Variants in BANP observed in about 807,000 individuals in gnomAD.
BANP encodes protein BANP.
In BANP, 11 loss-of-function variants were observed where a neutral mutation model predicts 68.1. The ratio of observed to expected loss-of-function variants is 0.16; its 90% CI spans 0.10 to 0.27. BANP has a LOEUF of 0.27. Among genes scored for constraint, BANP ranks in the 10% least tolerant of loss-of-function variants. The pLI, the probability that BANP is intolerant of heterozygous loss-of-function variation, is 1.00. For synonymous variants in BANP, 329 were observed against 303.2 expected (o/e 1.09, Z -0.88); for missense variants, 504 against 722.7 (o/e 0.70, Z 3.47).
chr16:87,998,742 G>C (rs1326758381), intron 4 of BANP, among the ~76,000 whole-genome samples: 1 of 113,658 alleles, frequency 8.8e-6, no homozygotes, highest in Non-Finnish European at 1.8e-5. Flanking sequence ...GGCTGTACTT[G>C]CCTGTCTTTC....
At position 87,981,184 on chromosome 16, in the gene BANP, T is replaced by G; in HGVS notation, c.162+57T>G. The G allele has an allele frequency of 6.3e-6, 8 of 1,274,558 alleles. No individual in the cohort carries two copies. The South Asian group carries it at 9.6e-5, about 15-fold the overall frequency. 79.0% of individuals were successfully genotyped at this position (1,274,558 alleles called of 1,614,324 possible). A position where few individuals can be genotyped will look rare whatever the true frequency, so the allele number is the denominator to read the frequency against. On this transcript the variant is annotated intron_variant, in intron 3 of 13. Coordinates refer to ENST00000682872, the MANE Select transcript of BANP (RefSeq NM_001386991.1). ...GTGCGTTGCAGATTTCAAGGGCTGCTATAACAAATCACCATCAATGGGATG... is the reference window on the plus strand; with the variant it reads ...GTGCGTTGCAGATTTCAAGGGCTGCGATAACAAATCACCATCAATGGGATG...
intron 11 of BANP, among the ~76,000 whole-genome samples, chr16:88,050,958 A>G (rs1047417089): frequency 1.4e-4 from 22 of 152,134 alleles, no homozygotes; most frequent in African/African-American, 5.3e-4. Flanking sequence ...AAGTGCTAGG[A>G]TTATGGATGT....
intron 1 of BANP, among the ~76,000 whole-genome samples, chr16:87,959,659 G>A (rs2058744486): frequency 6.6e-6 from 1 of 152,150 alleles, no homozygotes; most frequent in South Asian, 2.1e-4. Flanking sequence ...TGGAGCATTG[G>A]AGGACAAAGA....
chr16:87,978,715 C>T (rs999898594), intron 2 of BANP: 5 of 464,730 alleles, frequency 1.1e-5, no homozygotes, highest in African/African-American at 8.0e-5. Context: ...AAGTTTTTAA[C>T]AGTAATACCA....
rs1293057092 is a variant in BANP at position 88,002,834 on chromosome 16, A to G, written c.363-1461A>G. On this transcript the variant is annotated intron_variant, in intron 4 of 13. Transcript: ENST00000682872. The surrounding 1 kb of genome is among the most constrained non-coding windows in gnomAD (Gnocchi z 4.6). ...GTGCCAGTGGCCACTGTGAATAGTC[A>G]TTAGGGGACTGTTGGCTTCTCAGCA... Among the ~76,000 whole-genome samples the G allele has an allele frequency of 6.6e-6, 1 of 152,192 alleles. No individual in the cohort carries two copies. Among genetic ancestry groups the G allele is most frequent in the African/African-American group, 2.4e-5 (1 of 41,450 alleles).
At chr16:88,059,286 A>C (rs1319242822) in intron 11 of BANP, among the ~76,000 whole-genome samples, 1 of 150,372 alleles carries the variant, frequency 6.7e-6, no homozygotes, top group Non-Finnish European at 1.5e-5. Flanking sequence ...AGGTGTGGAG[A>C]GGGGGCACTG....
At position 88,004,216 on chromosome 16, in the gene BANP, G is replaced by T; in HGVS notation, c.363-79G>T. On this transcript the variant is annotated intron_variant, in intron 4 of 13. Transcript: ENST00000682872. The surrounding 1 kb of genome is among the most constrained non-coding windows in gnomAD (Gnocchi z 7.0). Reference sequence around the variant, plus strand: ...CGGGTCCCTGGGAGTGGACTGTGTTGAATGACTCTTATGTGCTCTTACCAT... The same window carrying T: ...CGGGTCCCTGGGAGTGGACTGTGTTTAATGACTCTTATGTGCTCTTACCAT... 1 of 893,390 alleles carries T rather than the reference G, an allele frequency of 1.1e-6. No individual in the cohort carries two copies. The allele number at this position is 893,390 out of a possible 1,614,324, so 55.3% of individuals were successfully genotyped here.
intron 2 of BANP, chr16:87,980,693 G>A (rs2063092390): frequency 4.2e-6 from 1 of 236,768 alleles, no homozygotes; most frequent in Admixed American, 5.2e-5. Context: ...TTTTAAAGTT[G>A]GGAAGAAATC....
chr16:88,040,083 G>A (rs1386203064), intron 11 of BANP, among the ~76,000 whole-genome samples: 1 of 152,156 alleles, frequency 6.6e-6, no homozygotes, highest in Admixed American at 6.5e-5. Context: ...GACGGCTTCA[G>A]GAGAGGCCGG....
At chr16:87,964,811 C>T (rs1292442610) in intron 1 of BANP, among the ~76,000 whole-genome samples, 1 of 152,102 alleles carries the variant, frequency 6.6e-6, no homozygotes, top group African/African-American at 2.4e-5. Context: ...ACCCAGGAGG[C>T]CTGAGGTTTT....
intron 1 of BANP, among the ~76,000 whole-genome samples, chr16:87,965,695 C>T (rs573280371): frequency 1.1e-4 from 17 of 152,274 alleles, no homozygotes; most frequent in South Asian, 4.1e-4. Flanking sequence ...CATCCCTGCC[C>T]GAATGTGTGG....
In BANP at chr16:88,036,700, A is replaced by G. The variant is rs1179631435; in HGVS notation, c.1273-1273A>G. Among the ~76,000 whole-genome samples the G allele has an allele frequency of 6.6e-6, 1 of 152,162 alleles. No individual in the cohort carries two copies. The highest frequency in any genetic ancestry group is 1.5e-5 in the Non-Finnish European group (1 of 68,026). On this transcript the variant is annotated intron_variant, in intron 10 of 13. Transcript: ENST00000682872. This position sits in a 1 kb window ranked among gnomAD's most constrained non-coding sequence, Gnocchi z 4.2. Reference sequence around the variant, plus strand: ...ACTGGGAATGAGTGGGCTCATCCACACAGCGACATGACCAGGTCACTAAGA... The same window carrying G: ...ACTGGGAATGAGTGGGCTCATCCACGCAGCGACATGACCAGGTCACTAAGA...
upstream of BANP, among the ~76,000 whole-genome samples, chr16:87,950,262 G>A (rs2056686049): frequency 1.3e-5 from 2 of 152,216 alleles, no homozygotes; most frequent in East Asian, 1.9e-4. Flanking sequence ...AAATAATTGA[G>A]GAAACAGAGG....
At chr16:88,041,573 A>T (rs528097939) in intron 11 of BANP, among the ~76,000 whole-genome samples, 1 of 152,130 alleles carries the variant, frequency 6.6e-6, no homozygotes. Flanking sequence ...CCTTGCTGAG[A>T]GATGGAATGC....
In BANP at chr16:88,018,674, C is replaced by A; in HGVS notation, c.895+7C>A. 6.4e-7 allele frequency: 1 copy of A among 1,554,794 alleles called. No individual in the cohort carries two copies. The highest frequency in any genetic ancestry group is 1.2e-5 in the South Asian group (1 of 84,738). On this transcript the variant is annotated splice_region_variant and intron_variant, in intron 7 of 13. Coordinates refer to ENST00000682872, the MANE Select transcript of BANP (RefSeq NM_001386991.1). This position sits in a 1 kb window ranked among gnomAD's most constrained non-coding sequence, Gnocchi z 7.7. ...ACCATCTACGGCATCCGGTGTAAGT[C>A]GGGCCCCGCCTTGGGGGACTGGGGT...
At chr16:88,016,535 G>A (rs540306943) in intron 6 of BANP, among the ~76,000 whole-genome samples, 3 of 152,304 alleles carry the variant, frequency 2.0e-5, no homozygotes, top group South Asian at 2.1e-4. Flanking sequence ...ACATTGACCC[G>A]TGACTCTGAG....
At chr16:88,025,525 T>G (rs534008125) in intron 7 of BANP, among the ~76,000 whole-genome samples, 151 of 152,330 alleles carry the variant, frequency 9.9e-4, no homozygotes, top group African/African-American at 3.4e-3. Flanking sequence ...GAAACCACTT[T>G]AGGGTGTTCT....
intron 8 of BANP, 90 bp from the exon 9 acceptor site, chr16:88,033,019 G>A (rs957658613): frequency 1.2e-4 from 168 of 1,360,710 alleles, no homozygotes; most frequent in Middle Eastern, 2.7e-4. Flanking sequence ...TGTGGGAGTC[G>A]ACAGTGGGGG....
At chr16:88,029,484 G>A (rs557206249) in intron 8 of BANP, among the ~76,000 whole-genome samples, 63 of 151,692 alleles carry the variant, frequency 4.2e-4, no homozygotes, top group Non-Finnish European at 7.4e-5. Context: ...GGTGGCTGGC[G>A]CCTGTAGTCC....
Sources: allele counts gnomAD v4.1 joint callset (sites outside exome capture counted in the v4.1 genomes callset), GRCh38; gene constraint gnomAD v4.1.1; non-coding constraint Gnocchi (gnomAD v3.1); transcripts MANE v1.5; gene names NCBI Gene and HGNC (gene_info 2026-07-23, HGNC 2026-07-21).